Variants in GPR161 observed in about 807,000 individuals in gnomAD.
The protein encoded by GPR161 is G-protein coupled receptor RE2.
A neutral mutation model predicts 39.2 loss-of-function variants in GPR161; 25 were observed. The ratio of observed to expected loss-of-function variants is 0.64; its 90% CI spans 0.47 to 0.89. GPR161 has a LOEUF of 0.89. GPR161 is among the 40% of genes least tolerant of loss of function. GPR161 has a pLI of 0.00. For synonymous variants in GPR161, 286 were observed against 276.6 expected (o/e 1.03, Z -0.34); for missense variants, 547 against 677.8 (o/e 0.81, Z 2.14).
intron 1 of GPR161, among the ~76,000 whole-genome samples, chr1:168,112,976 C>A (rs973592608): frequency 6.6e-6 from 1 of 152,178 alleles, no homozygotes; most frequent in Non-Finnish European, 1.5e-5. Flanking sequence ...GAGCTGCCCA[C>A]CCAGTGAAAT....
rs544242454 is a variant in GPR161, at chr1:168,105,970, C to T, written c.-44-1076G>A. ...GCAGCGGGGCCATCCTCACAACCCT[C>T]GTGGTGGATCCGCTGCCTCTACTCA... On this transcript the variant is annotated intron_variant, in intron 1 of 5. Coordinates refer to ENST00000682931, the MANE Select transcript of GPR161 (RefSeq NM_001375883.1). Among the ~76,000 whole-genome samples the T allele has an allele frequency of 2.6e-5, 4 of 152,336 alleles. 1 individual carries two copies. Among genetic ancestry groups the T allele is most frequent in the Non-Finnish European group, 2.9e-5 (2 of 68,032 alleles).
chr1:168,115,877 G>A (rs1030991967), intron 1 of GPR161, among the ~76,000 whole-genome samples: 2 of 151,682 alleles, frequency 1.3e-5, no homozygotes, highest in African/African-American at 2.4e-5. Flanking sequence ...CCGGGTTCAC[G>A]CCATTCTCCT....
At chr1:168,110,450 G>A (rs1217449533) in intron 1 of GPR161, among the ~76,000 whole-genome samples, 4 of 142,470 alleles carry the variant, frequency 2.8e-5, no homozygotes, top group African/African-American at 7.9e-5. Context: ...AGTGAGCCGT[G>A]ATCACACCAC....
intron 1 of GPR161, among the ~76,000 whole-genome samples, chr1:168,122,582 T>G (rs181662700): frequency 6.6e-6 from 1 of 152,304 alleles, no homozygotes; most frequent in African/African-American, 2.4e-5. Flanking sequence ...GGCTCTCCAT[T>G]ACCGCTCCAA....
Position 168,085,659 on chromosome 1 carries a change from A to G in GPR161, c.1462T>C (p.Leu488=), listed in dbSNP as rs1375981331. Reference sequence around the variant, plus strand: ...CCCGGGACAGTCCGTGCTGTAACCAAGACCCCTGGCAAAGCCTCCTCCCCA... The same window carrying G: ...CCCGGGACAGTCCGTGCTGTAACCAGGACCCCTGGCAAAGCCTCCTCCCCA... The part of the protein sequence containing the change: ...LFGEEALPGV[L]VTARTVPGGG... The change falls in exon 6 of 6, where the codon TTG becomes CTG. Residue 488 remains leucine, a synonymous_variant. Coordinates refer to ENST00000682931, the MANE Select transcript of GPR161 (RefSeq NM_001375883.1). The G allele has an allele frequency of 6.2e-7, 1 of 1,614,104 alleles. No individual in the cohort carries two copies. Among genetic ancestry groups the G allele is most frequent in the Non-Finnish European group, 8.5e-7 (1 of 1,180,042 alleles).
upstream of GPR161, chr1:168,137,027 G>C: frequency 3.7e-6 from 2 of 539,858 alleles, no homozygotes; most frequent in Non-Finnish European, 4.5e-6. Context: ...GCCCCGCACT[G>C]CCCCGCCCCG....
chr1:168,123,579 C>CACACACACAT (rs796208020), intron 1 of GPR161, among the ~76,000 whole-genome samples: 31 of 147,740 alleles, frequency 2.1e-4, no homozygotes, highest in Non-Finnish European at 3.9e-4. Flanking sequence ...CACACACACA[C>CACACACACAT]TTGTTTGCAT....
Position 168,136,890 on chromosome 1 carries a change from C to G in GPR161, c.-196G>C. ...AGCCCCGCTTCGCTCCTCCCGCGGG[C>G]CAGCCACCAGCACGCGGACCCGGGC... On this transcript the variant is annotated 5_prime_UTR_variant, in exon 1 of 6. Transcript: ENST00000682931. 1.0e-6 allele frequency: 1 copy of G among 981,930 alleles called. No homozygotes were observed. Among genetic ancestry groups the G allele is most frequent in the Non-Finnish European group, 1.2e-6 (1 of 828,518 alleles). 60.8% of individuals were successfully genotyped at this position (981,930 alleles called of 1,614,324 possible). A position where few individuals can be genotyped will look rare whatever the true frequency, so the allele number is the denominator to read the frequency against.
rs1024302562 is a variant in GPR161, at chr1:168,098,537, C to T, written c.375-1305G>A. Among the ~76,000 whole-genome samples the T allele has an allele frequency of 8.5e-5, 13 of 152,362 alleles. No homozygotes were observed. The highest frequency in any genetic ancestry group is 1.9e-4 in the East Asian group (1 of 5,180). ...GACTCTGGCTATGTGCCTCACACATCGCCTGGGAAGGTGGCTCCTCCACAG... is the reference window on the plus strand; with the variant it reads ...GACTCTGGCTATGTGCCTCACACATTGCCTGGGAAGGTGGCTCCTCCACAG... On this transcript the variant is annotated intron_variant, in intron 2 of 5. Transcript: ENST00000682931. This position sits in a 1 kb window ranked among gnomAD's most constrained non-coding sequence, Gnocchi z 4.1.
intron 1 of GPR161, among the ~76,000 whole-genome samples, chr1:168,115,317 T>C (rs2102212039): frequency 6.6e-6 from 1 of 152,286 alleles, no homozygotes; most frequent in East Asian, 1.9e-4. Context: ...TGATTTATCA[T>C]GATCTATATA....
intron 5 of GPR161, among the ~76,000 whole-genome samples, chr1:168,086,454 C>T (rs1418557147): frequency 6.6e-6 from 1 of 152,208 alleles, no homozygotes; most frequent in Non-Finnish European, 1.5e-5. Context: ...TTTATCCTCT[C>T]CTCCTTACAT....
intron 1 of GPR161, among the ~76,000 whole-genome samples, chr1:168,114,149 G>A (rs1697436413): frequency 6.6e-6 from 1 of 152,108 alleles, no homozygotes; most frequent in South Asian, 2.1e-4. Context: ...TTATTTAATT[G>A]TGTAAATCTG....
At chr1:168,124,084 T>C (rs1698412344) in intron 1 of GPR161, among the ~76,000 whole-genome samples, 2 of 152,212 alleles carry the variant, frequency 1.3e-5, no homozygotes, top group Non-Finnish European at 1.5e-5. Flanking sequence ...CTGGTAAGGA[T>C]TGGTGCCACC....
intron 1 of GPR161, among the ~76,000 whole-genome samples, chr1:168,105,633 T>C (rs756439359): frequency 6.6e-6 from 1 of 152,176 alleles, no homozygotes; most frequent in Non-Finnish European, 1.5e-5. Context: ...AAGCACTAAC[T>C]GTAAATGGGG....
At chr1:168,100,505 T>C (rs1346213369) in intron 2 of GPR161, among the ~76,000 whole-genome samples, 2 of 152,218 alleles carry the variant, frequency 1.3e-5, no homozygotes, top group Non-Finnish European at 2.9e-5. Flanking sequence ...ATCACGACCC[T>C]TGAACCCTAA....
chr1:168,110,645 C>T (rs6692993), intron 1 of GPR161, among the ~76,000 whole-genome samples: 178 of 150,192 alleles, frequency 1.2e-3, no homozygotes, highest in Middle Eastern at 3.7e-3. Context: ...GAAAAGAAGC[C>T]GGGCGTGGTG....
rs1695620461 is a variant in GPR161, at chr1:168,097,047, C to T, written c.560G>A (p.Gly187Asp). The T allele has an allele frequency of 6.2e-7, 1 of 1,613,918 alleles. No homozygotes were observed. The highest frequency in any genetic ancestry group is 8.5e-7 in the Non-Finnish European group (1 of 1,180,006). The change falls in exon 3 of 6, where the codon GGC (glycine) becomes GAC (aspartate). Residue 187 changes from glycine (G) to aspartate (D), a missense_variant. By Grantham distance (94) the Gly-to-Asp change is moderately conservative. Coordinates refer to ENST00000682931, the MANE Select transcript of GPR161 (RefSeq NM_001375883.1). ...MCVAAWHREP[G>D]YTAFWQIWCA... ...CCAGATCTGCCAGAAGGCCGTGTAG[C>T]CAGGCTCCCGGTGCCAAGCAGCCAC...
At chr1:168,108,654 T>G (rs577005777) in intron 1 of GPR161, among the ~76,000 whole-genome samples, 1 of 151,948 alleles carries the variant, frequency 6.6e-6, no homozygotes, top group African/African-American at 2.4e-5. Flanking sequence ...TTCTTTATAG[T>G]TTTGATTTCT....
chr1:168,129,194 A>G (rs1385258883), intron 1 of GPR161, among the ~76,000 whole-genome samples: 1 of 152,224 alleles, frequency 6.6e-6, no homozygotes, highest in Non-Finnish European at 1.5e-5. Context: ...AGGCTCTCCA[A>G]GGACATGACA....
Sources: allele counts gnomAD v4.1 joint callset (sites outside exome capture counted in the v4.1 genomes callset), GRCh38; gene constraint gnomAD v4.1.1; non-coding constraint Gnocchi (gnomAD v3.1); transcripts MANE v1.5; gene names NCBI Gene and HGNC (gene_info 2026-07-23, HGNC 2026-07-21).